Variants in FGD6 observed in about 807,000 individuals in gnomAD.
FGD6 encodes FYVE, RhoGEF and PH domain-containing protein 6.
Under a neutral mutation model 149.4 loss-of-function variants are expected in FGD6, and 90 were observed. That is an observed-to-expected ratio of 0.60 (90% confidence interval 0.51 to 0.72). The LOEUF (loss-of-function observed/expected upper bound fraction) is 0.72, where lower values mean the gene tolerates loss of function less well. FGD6 is among the 30% of genes least tolerant of loss of function. The probability of loss-of-function intolerance (pLI) is 0.00; values close to 1 mark genes in which losing one functional copy is unlikely to be tolerated. For missense variants in FGD6, 1,437 were observed against 1,684.8 expected (o/e 0.85, Z 2.57); for synonymous variants, 527 against 584.0 (o/e 0.90, Z 1.41).
intron 14 of FGD6, among the ~76,000 whole-genome samples, chr12:95,099,566 C>A (rs1003147844): frequency 1.3e-5 from 2 of 152,044 alleles, no homozygotes; most frequent in African/African-American, 4.8e-5. Flanking sequence ...CTTTTCAGTT[C>A]AATGATTTCC....
At chr12:95,154,326 G>A (rs576909634) in intron 3 of FGD6, among the ~76,000 whole-genome samples, 9 of 152,224 alleles carry the variant, frequency 5.9e-5, no homozygotes, top group African/African-American at 1.9e-4. Context: ...CAAAAAAAAT[G>A]TGCATCTTTA....
intron 3 of FGD6, among the ~76,000 whole-genome samples, chr12:95,154,702 T>G (rs1880418811): frequency 6.6e-6 from 1 of 152,168 alleles, no homozygotes; most frequent in Admixed American, 6.6e-5. Flanking sequence ...GACACGGTTA[T>G]TTTGTGCTGA....
intron 8 of FGD6, among the ~76,000 whole-genome samples, chr12:95,127,508 C>T (rs908680064): frequency 6.6e-6 from 1 of 152,216 alleles, no homozygotes; most frequent in African/African-American, 2.4e-5. Flanking sequence ...CGTGCCACTG[C>T]ACTCCAGCCT....
intron 5 of FGD6, among the ~76,000 whole-genome samples, chr12:95,149,993 TACACACACACACACACACACAC>T (rs10652699): frequency 7.6e-6 from 1 of 132,000 alleles, no homozygotes; most frequent in South Asian, 2.4e-4. Flanking sequence ...TGCTATATAT[TACACACACACACACACACACAC>T]ACACACACAC....
intron 2 of FGD6, among the ~76,000 whole-genome samples, chr12:95,202,676 G>A (rs184545119): frequency 6.6e-6 from 1 of 151,998 alleles, no homozygotes; most frequent in African/African-American, 2.4e-5. Flanking sequence ...TTACAGGTAT[G>A]AGCCACCATG....
chr12:95,159,497 T>C (rs1211585708), intron 3 of FGD6, among the ~76,000 whole-genome samples: 5 of 152,174 alleles, frequency 3.3e-5, no homozygotes, highest in African/African-American at 1.2e-4. Context: ...GGAGAAAATA[T>C]TCGCAAATCA....
intron 2 of FGD6, among the ~76,000 whole-genome samples, chr12:95,187,200 A>G (rs1881461645): frequency 2.0e-5 from 3 of 151,344 alleles, no homozygotes; most frequent in South Asian, 2.1e-4. Context: ...TCGTGGTGGC[A>G]GGCGCCTGTA....
rs1269028217 is a variant in FGD6 at position 95,079,402 on chromosome 12, T to G, written c.*2118A>C. 6.6e-6 allele frequency: 1 copy of G among 152,204 alleles called. No individual in the cohort carries two copies. Among genetic ancestry groups the G allele is most frequent in the African/African-American group, 2.4e-5 (1 of 41,448 alleles). 9.4% of individuals were successfully genotyped at this position (152,204 alleles called of 1,614,324 possible). On this transcript the variant is annotated 3_prime_UTR_variant, in exon 21 of 21. Coordinates refer to ENST00000343958, the MANE Select transcript of FGD6 (RefSeq NM_018351.4). ...ACTGGCTCATGATTCAGCCAGGTCT[T>G]AGAAGATAGAATAGCCTGGCTGATA...
chr12:95,149,888 A>G (rs1243200406), intron 5 of FGD6, among the ~76,000 whole-genome samples: 3 of 146,646 alleles, frequency 2.0e-5, no homozygotes, highest in Non-Finnish European at 4.5e-5. Context: ...GCTATACTAC[A>G]TATCACATAC....
Position 95,114,380 on chromosome 12 carries a change from T to A in FGD6, c.3083-679A>T, listed in dbSNP as rs189501957. On this transcript the variant is annotated intron_variant, in intron 8 of 20. Coordinates refer to ENST00000343958, the MANE Select transcript of FGD6 (RefSeq NM_018351.4). ...TAGCACTTTGGGAGGCCAAAGGGGG[T>A]GGATCACTTGAAGTCAGGAGTTCAA... Among the ~76,000 whole-genome samples the A allele has an allele frequency of 3.0e-3, 449 of 149,246 alleles. 6 individuals are homozygous for A. Among genetic ancestry groups the A allele is most frequent in the African/African-American group, 0.011 (428 of 40,280 alleles).
At chr12:95,149,299 A>ATAGCATATATAATATTAT (rs1565909026) in intron 5 of FGD6, among the ~76,000 whole-genome samples, 1 of 74,104 alleles carries the variant, frequency 1.3e-5, no homozygotes, top group Non-Finnish European at 2.5e-5. Flanking sequence ...TATTATATAT[A>ATAGCATATATAATATTAT]ATATATTATA....
rs79178189 is a variant in FGD6, at chr12:95,206,917, A to C, written c.2441+1926T>G. On this transcript the variant is annotated intron_variant, in intron 2 of 20. Transcript: ENST00000343958. ...ATGCTATGAGAATACCTGACAGTTA[A>C]AGGAACTTAAAATAATTTACTTTAC... Among the ~76,000 whole-genome samples the C allele has an allele frequency of 4.4e-3, 677 of 152,246 alleles. 7 individuals carry two copies. Among genetic ancestry groups the C allele is most frequent in the African/African-American group, 0.015 (641 of 41,536 alleles).
At chr12:95,087,175 TAGG>T (rs1051021002) in intron 18 of FGD6, among the ~76,000 whole-genome samples, 8 of 152,176 alleles carry the variant, frequency 5.3e-5, no homozygotes, top group African/African-American at 1.9e-4. Flanking sequence ...CTTAAAAATG[TAGG>T]AGTAGATAAA....
intron 14 of FGD6, 22 bp downstream of exon 14, chr12:95,104,985 A>AAG: frequency 6.4e-7 from 1 of 1,561,858 alleles, no homozygotes; most frequent in Non-Finnish European, 8.6e-7. Context: ...AAAAAAAAAA[A>AAG]AAAGAAGAAG....
Position 95,153,834 on chromosome 12 carries a change from C to T in FGD6, c.2587-841G>A, listed in dbSNP as rs183123539. 6.6e-5 allele frequency among the ~76,000 whole-genome samples: 10 copies of T among 151,656 alleles called. No homozygotes were observed. The East Asian group carries it at 1.7e-3, about 26-fold the overall frequency. On this transcript the variant is annotated intron_variant, in intron 3 of 20. Transcript: ENST00000343958. ...GTCAAAATTACAGTCACAGGCTCTCCGAATTTCCTTAAAATCCCTTTTAGA... is the reference window on the plus strand; with the variant it reads ...GTCAAAATTACAGTCACAGGCTCTCTGAATTTCCTTAAAATCCCTTTTAGA...
intron 2 of FGD6, among the ~76,000 whole-genome samples, chr12:95,173,268 C>T (rs1418459322): frequency 1.3e-5 from 2 of 152,148 alleles, no homozygotes; most frequent in East Asian, 3.8e-4. Context: ...GTTCTGTTCA[C>T]AAGACATGGG....
chr12:95,109,501 T>TA (rs1364913357), intron 9 of FGD6, among the ~76,000 whole-genome samples: 1 of 151,766 alleles, frequency 6.6e-6, no homozygotes. Flanking sequence ...GGTAGAGTGT[T>TA]AGAGAGGGAA....
intron 2 of FGD6, among the ~76,000 whole-genome samples, chr12:95,187,409 CGGGCAGATCATGAGGT>C (rs60900428): frequency 0.64 from 95,696 of 150,680 alleles, 30,526 homozygotes; most frequent in Admixed American, 0.67. Context: ...GAGGCCGAGG[CGGGCAGATCATGAGGT>C]GGGCAGATCA....
rs2056722910 is a variant in FGD6, at chr12:95,210,904, C to T, written c.380G>A (p.Cys127Tyr). The change falls in exon 2 of 21, where the codon TGT (cysteine) becomes TAT (tyrosine). Residue 127 changes from cysteine to tyrosine, a missense_variant. Around this residue, in one of 2 missense-constraint regions of FGD6, gnomAD observed 1,055 missense variants for 1,146.0 expected, o/e 0.92. Coordinates refer to ENST00000343958, the MANE Select transcript of FGD6 (RefSeq NM_018351.4). ...GGGCTCTAAAACAAGCTGCTTTACA[C>T]ACAAATTCTCTCTATGGCCCAGCTT... is the stretch of plus-strand genomic sequence containing the variant. The part of the protein sequence containing the change: ...IHKLGHRENL[C>Y]VKQLVLEPLE... 6.2e-7 allele frequency: 1 copy of T among 1,613,596 alleles called. No individual in the cohort carries two copies. Among genetic ancestry groups the T allele is most frequent in the Admixed American group, 1.7e-5 (1 of 59,908 alleles).
Sources: allele counts gnomAD v4.1 joint callset (sites outside exome capture counted in the v4.1 genomes callset), GRCh38; gene constraint gnomAD v4.1.1; regional missense constraint gnomAD v4.1.1; transcripts MANE v1.5; gene names NCBI Gene and HGNC (gene_info 2026-07-23, HGNC 2026-07-21).